PATJ: variants seen among roughly 807,000 people sequenced by gnomAD.
The protein encoded by PATJ is PATJ crumbs cell polarity complex component.
In PATJ, 190 loss-of-function variants were observed where a neutral mutation model predicts 224.9. That is an observed-to-expected ratio of 0.84 (90% CI 0.75 to 0.95). PATJ has a LOEUF of 0.95. PATJ is among the 40% of genes least tolerant of loss of function. PATJ has a pLI of 0.00. For missense variants in PATJ, 2,121 were observed against 2,270.3 expected, an observed-to-expected ratio of 0.93 and a Z score of 1.34; for synonymous variants, 769 against 820.3, an observed-to-expected ratio of 0.94 and a Z score of 1.07.
intron 25 of PATJ, among the ~76,000 whole-genome samples, chr1:61,910,295 G>A (rs1272822730): frequency 1.3e-5 from 2 of 152,126 alleles, no homozygotes; most frequent in Non-Finnish European, 2.9e-5. Context: ...ACTTTTGTTT[G>A]GATGACACAA....
chr1:61,991,089 A>T (rs12125524), intron 28 of PATJ, among the ~76,000 whole-genome samples: 5,739 of 152,302 alleles, frequency 0.038, 161 homozygotes, highest in Non-Finnish European at 0.061. Flanking sequence ...AGAAAAAGAG[A>T]TGAATACATC....
Position 61,768,832 on chromosome 1 carries a change from G to A in PATJ, c.385-451G>A, listed in dbSNP as rs181860924. 4.8e-3 allele frequency among the ~76,000 whole-genome samples: 735 copies of A among 152,022 alleles called. 8 individuals are homozygous for A. Among genetic ancestry groups the A allele is most frequent in the African/African-American group, 0.017 (690 of 41,434 alleles). On this transcript the variant is annotated intron_variant, in intron 4 of 43. Transcript: ENST00000642238. The stretch of plus-strand genomic sequence containing the variant: ...GGAGGATCGCTTGAGCCCAGAAGAC[G>A]GAGACTGAAGTGAGCCGAGATCACG...
intron 20 of PATJ, among the ~76,000 whole-genome samples, chr1:61,873,036 A>G (rs1439788531): frequency 6.6e-6 from 1 of 152,192 alleles, no homozygotes; most frequent in Non-Finnish European, 1.5e-5. Context: ...TCAAAACAAA[A>G]TTCACATTTT....
intron 31 of PATJ, among the ~76,000 whole-genome samples, chr1:62,077,473 G>T (rs1658491837): frequency 6.6e-6 from 1 of 152,068 alleles, no homozygotes; most frequent in African/African-American, 2.4e-5. Context: ...TGGATTGCTT[G>T]AGTCCAGGAG....
chr1:61,809,909 G>C (rs1201502078), intron 14 of PATJ, among the ~76,000 whole-genome samples: 1 of 146,278 alleles, frequency 6.8e-6, no homozygotes, highest in East Asian at 2.0e-4. Context: ...GCAGTGGCAT[G>C]ATCTCAGCTC....
intron 29 of PATJ, among the ~76,000 whole-genome samples, chr1:62,026,482 GTGTGTC>G (rs759780908): frequency 0.031 from 2,258 of 73,566 alleles, 31 homozygotes; most frequent in South Asian, 0.1. Context: ...GTGTGTGTGT[GTGTGTC>G]TGTGTGTGTG....
intron 41 of PATJ, among the ~76,000 whole-genome samples, chr1:62,143,969 G>A (rs1268969725): frequency 6.6e-6 from 1 of 152,068 alleles, no homozygotes; most frequent in Non-Finnish European, 1.5e-5. Context: ...GCTGGAGTGG[G>A]GTAGGTTTAT....
At chr1:61,933,970 C>G (rs1484952762) in intron 27 of PATJ, among the ~76,000 whole-genome samples, 3 of 151,652 alleles carry the variant, frequency 2.0e-5, no homozygotes, top group African/African-American at 4.9e-5. Flanking sequence ...GAGTCTTGCT[C>G]TGTCGCCCAG....
chr1:62,026,573 A>C (rs2148445463), intron 29 of PATJ, among the ~76,000 whole-genome samples: 2 of 152,174 alleles, frequency 1.3e-5, no homozygotes, highest in Admixed American at 1.3e-4. Flanking sequence ...GCAATAAATA[A>C]AGTCAGCCTG....
intron 26 of PATJ, among the ~76,000 whole-genome samples, chr1:61,926,716 C>T (rs1038092082): frequency 1.3e-5 from 2 of 152,040 alleles, no homozygotes; most frequent in Admixed American, 6.6e-5. Flanking sequence ...TGCTTTGGTT[C>T]GACATTATCT....
chr1:62,011,981 C>T (rs1264969844), intron 28 of PATJ, among the ~76,000 whole-genome samples: 2 of 150,702 alleles, frequency 1.3e-5, no homozygotes, highest in Non-Finnish European at 1.5e-5. Flanking sequence ...GAGCCATGTG[C>T]ATACTACTTC....
In PATJ at chr1:61,864,564, A is replaced by G. The variant is rs760366104; in HGVS notation, c.2766A>G (p.Gln922=). ...ATGATAATGAACCATCCGAGTCTCA[A>G]GAGGCAAGAACCGGGAGGACTGTCT... is the stretch of plus-strand genomic sequence containing the variant. The part of the protein sequence containing the change: ...WLHDNEPSES[Q]EARTGRTVYS... The change falls in exon 20 of 44, where the codon CAA becomes CAG. Residue 922 remains glutamine (Q), a synonymous_variant. Coordinates refer to ENST00000642238, the MANE Select transcript of PATJ (RefSeq NM_001350145.3). The G allele has an allele frequency of 2.5e-6, 4 of 1,612,496 alleles. No homozygotes were observed. The highest frequency in any genetic ancestry group is 1.7e-5 in the Admixed American group (1 of 60,022).
chr1:61,953,378 G>A (rs1557935368), intron 27 of PATJ, among the ~76,000 whole-genome samples: 1 of 152,202 alleles, frequency 6.6e-6, no homozygotes, highest in Non-Finnish European at 1.5e-5. Context: ...AATATTTGCT[G>A]CATTCCTGAT....
intron 41 of PATJ, among the ~76,000 whole-genome samples, chr1:62,136,477 TTGTGTGTG>T (rs111398189): frequency 1.1e-4 from 17 of 149,112 alleles, no homozygotes; most frequent in Non-Finnish European, 2.2e-4. Flanking sequence ...TGGGCTTTTC[TTGTGTGTG>T]TGTGTGTGTG....
At chr1:62,008,750 AAAAT>A (rs753015582) in intron 28 of PATJ, among the ~76,000 whole-genome samples, 3 of 152,304 alleles carry the variant, frequency 2.0e-5, no homozygotes, top group Non-Finnish European at 1.5e-5. Context: ...CCCTGACTCA[AAAAT>A]AAATAAATAA....
chr1:62,058,798 G>C (rs1482452447), intron 31 of PATJ, among the ~76,000 whole-genome samples: 1 of 152,144 alleles, frequency 6.6e-6, no homozygotes, highest in African/African-American at 2.4e-5. Context: ...GTGAAGATAA[G>C]TAAGACCGCT....
At chr1:61,850,199 C>T (rs905702682) in intron 17 of PATJ, among the ~76,000 whole-genome samples, 2 of 152,152 alleles carry the variant, frequency 1.3e-5, no homozygotes, top group Non-Finnish European at 1.5e-5. Context: ...ACCACCTCTC[C>T]GCTCTAGGTG....
At chr1:62,007,841 C>T (rs1646183542) in intron 28 of PATJ, among the ~76,000 whole-genome samples, 1 of 152,218 alleles carries the variant, frequency 6.6e-6, no homozygotes, top group African/African-American at 2.4e-5. Flanking sequence ...GCTCCATCCT[C>T]ATGACCTTGT....
At chr1:62,111,132 CA>C (rs1663760253) in intron 34 of PATJ, among the ~76,000 whole-genome samples, 1 of 152,206 alleles carries the variant, frequency 6.6e-6, no homozygotes, top group African/African-American at 2.4e-5. Context: ...AGCTTAATGA[CA>C]ATGCTTTTAA....
Sources: gnomAD v4.1 joint callset for allele counts (sites outside exome capture counted in the v4.1 genomes callset) on GRCh38, gnomAD v4.1.1 for gene constraint, MANE v1.5 for transcripts, NCBI Gene and HGNC (gene_info 2026-07-23, HGNC 2026-07-21) for gene names.